MLLT1: variants seen among roughly 807,000 people sequenced by gnomAD.
The protein encoded by MLLT1 is MLLT1 super elongation complex subunit.
MLLT1 carries 11 observed loss-of-function variants against 55.1 expected under a neutral mutation model. The ratio of observed to expected loss-of-function variants is 0.20; its 90% CI spans 0.13 to 0.33. MLLT1 has a LOEUF of 0.33. MLLT1 is among the 10% of genes least tolerant of loss of function. The pLI is 1.00. For missense variants in MLLT1, 536 were observed against 760.6 expected (o/e 0.70, Z 3.47); for synonymous variants, 323 against 320.1 (o/e 1.01, Z -0.10).
In MLLT1 at chr19:6,230,821, C is replaced by T. The variant is rs138089265; in HGVS notation, c.277-108G>A. The T allele has an allele frequency of 1.1e-3, 1,519 of 1,399,268 alleles. 9 individuals are homozygous for T. The African/African-American group carries it at 0.013, about 12-fold the overall frequency. The allele number at this position is 1,399,268 out of a possible 1,614,324, so 86.7% of individuals were successfully genotyped here. A position where few individuals can be genotyped will look rare whatever the true frequency, so the allele number is the denominator to read the frequency against. Reference sequence around the variant, plus strand: ...CCTCTCCCTCACTGGGCCTCTGTTCCCCTCCCTCCGATTTGCGCCCACTTC... The same window carrying T: ...CCTCTCCCTCACTGGGCCTCTGTTCTCCTCCCTCCGATTTGCGCCCACTTC... On this transcript the variant is annotated intron_variant, in intron 3 of 11. Transcript: ENST00000252674. This position sits in a 1 kb window ranked among gnomAD's most constrained non-coding sequence, Gnocchi z 9.0.
At chr19:6,228,172 G>A (rs1000040978) in intron 4 of MLLT1, among the ~76,000 whole-genome samples, 11 of 152,138 alleles carry the variant, frequency 7.2e-5, no homozygotes, top group Admixed American at 5.9e-4. Flanking sequence ...AACACGCCAC[G>A]GGAGGCCCTC....
chr19:6,269,829 AAG>A (rs2091380660), intron 2 of MLLT1, among the ~76,000 whole-genome samples: 2 of 152,132 alleles, frequency 1.3e-5, no homozygotes, highest in African/African-American at 2.4e-5. Context: ...ATCACCCAAG[AAG>A]CATTTATCGA....
chr19:6,222,139 C>G lies in MLLT1; in HGVS notation c.1092G>C (p.Glu364Asp). The G allele has an allele frequency of 6.5e-7, 1 of 1,530,990 alleles. No individual in the cohort carries two copies. The highest frequency in any genetic ancestry group is 2.1e-5 in the Admixed American group (1 of 48,774). The allele number at this position is 1,530,990 out of a possible 1,614,324, so 94.8% of individuals were successfully genotyped here. ...LEVEESNSED[E>D]ASFKSESAQS... ...CACTCACCTCGGACTTGAAGGAGGC[C>G]TCGTCCTCTGAGTTGGACTCCTCCA... The change falls in exon 6 of 12, where the codon GAG (glutamate) becomes GAC (aspartate). Residue 364 changes from glutamate to aspartate, a missense_variant. Physicochemically the swap from Glu to Asp is conservative, Grantham distance 45. Coordinates refer to ENST00000252674, the MANE Select transcript of MLLT1 (RefSeq NM_005934.4). The surrounding 1 kb of genome is among the most constrained non-coding windows in gnomAD (Gnocchi z 4.1).
intron 3 of MLLT1, among the ~76,000 whole-genome samples, chr19:6,241,155 G>A (rs936588011): frequency 3.3e-5 from 5 of 152,146 alleles, no homozygotes; most frequent in Non-Finnish European, 5.9e-5. Context: ...GGTCAGTCCC[G>A]GGGCCTCCTG....
At chr19:6,259,058 C>T (rs1435437074) in intron 3 of MLLT1, 1 of 152,268 alleles carries the variant, frequency 6.6e-6, no homozygotes, top group African/African-American at 2.4e-5. Context: ...AGAGGAGTGT[C>T]CCACTCACGG....
rs1042036725 is a variant in MLLT1 at position 6,270,401 on chromosome 19, G to A, written c.193+178C>T. On this transcript the variant is annotated intron_variant, in intron 2 of 11. Transcript: ENST00000252674. The surrounding 1 kb of genome is among the most constrained non-coding windows in gnomAD (Gnocchi z 7.1). ...CACCACCTCCTTCGGTTCTTCCTAC[G>A]ACTAACTCAACAGCTGGAGGTGACA... Among the ~76,000 whole-genome samples the A allele has an allele frequency of 5.3e-5, 8 of 152,098 alleles. No individual in the cohort carries two copies. Among genetic ancestry groups the A allele is most frequent in the Admixed American group, 2.6e-4 (4 of 15,260 alleles).
rs1600165111 is a variant in MLLT1 at position 6,212,336 on chromosome 19, C to T, written c.*706G>A. ...CCTCCATGCGCCTGGAGAGGGCCAGCTGCCGTGCCTGGCTCGGCCTCCAGC... is the reference window on the plus strand; with the variant it reads ...CCTCCATGCGCCTGGAGAGGGCCAGTTGCCGTGCCTGGCTCGGCCTCCAGC... On this transcript the variant is annotated 3_prime_UTR_variant, in exon 12 of 12. Transcript: ENST00000252674. 1 of 1,053,826 alleles carries T rather than the reference C, an allele frequency of 9.5e-7. No individual in the cohort carries two copies. Among genetic ancestry groups the T allele is most frequent in the East Asian group, 5.1e-5 (1 of 19,664 alleles). 65.3% of individuals were successfully genotyped at this position (1,053,826 alleles called of 1,614,324 possible).
intron 6 of MLLT1, among the ~76,000 whole-genome samples, chr19:6,220,080 T>C (rs1378338055): frequency 6.6e-6 from 1 of 152,170 alleles, no homozygotes; most frequent in African/African-American, 2.4e-5. Context: ...CTGGAGGACG[T>C]GGGAGCTCGG....
chr19:6,258,718 A>C (rs2036361372), intron 3 of MLLT1, among the ~76,000 whole-genome samples: 1 of 152,240 alleles, frequency 6.6e-6, no homozygotes, highest in Non-Finnish European at 1.5e-5. Context: ...TCATGCTTAT[A>C]CAAGAATAGA....
intron 3 of MLLT1, among the ~76,000 whole-genome samples, chr19:6,250,325 T>A (rs1244531120): frequency 6.6e-6 from 1 of 152,170 alleles, no homozygotes; most frequent in African/African-American, 2.4e-5. Context: ...AGTGGCAATA[T>A]AAAATGGTTT....
In MLLT1 at chr19:6,234,759, C is replaced by T. The variant is rs73920614; in HGVS notation, c.277-4046G>A. On this transcript the variant is annotated intron_variant, in intron 3 of 11. Transcript: ENST00000252674. The stretch of plus-strand genomic sequence containing the variant: ...ACCAAGCTCTGTGGGACACATGGTC[C>T]TGACTCTTCACCAAATACATAGCAA... 2.1e-3 allele frequency among the ~76,000 whole-genome samples: 316 copies of T among 152,258 alleles called. 2 individuals are homozygous for T. The highest frequency in any genetic ancestry group is 7.3e-3 in the African/African-American group (305 of 41,544).
intron 2 of MLLT1, among the ~76,000 whole-genome samples, chr19:6,267,009 A>C (rs1273972708): frequency 6.6e-6 from 1 of 152,160 alleles, no homozygotes; most frequent in Non-Finnish European, 1.5e-5. Context: ...TGACACCTGT[A>C]AACTCAGCTA....
intron 3 of MLLT1, among the ~76,000 whole-genome samples, chr19:6,244,078 G>A (rs1021876936): frequency 6.2e-5 from 9 of 144,282 alleles, no homozygotes; most frequent in Non-Finnish European, 9.0e-5. Flanking sequence ...AGTCAATCTC[G>A]CTTCTTAAGA....
chr19:6,253,821 AAGAAGG>A (rs2091237936), intron 3 of MLLT1, among the ~76,000 whole-genome samples: 1 of 152,144 alleles, frequency 6.6e-6, no homozygotes, highest in East Asian at 1.9e-4. Context: ...AAACTAGAAA[AAGAAGG>A]TGTGACACGG....
At position 6,210,806 on chromosome 19, in the gene MLLT1, G is replaced by A. The variant is rs2090760068; in HGVS notation, c.*2236C>T. On this transcript the variant is annotated 3_prime_UTR_variant, in exon 12 of 12. Transcript: ENST00000252674. This position sits in a 1 kb window ranked among gnomAD's most constrained non-coding sequence, Gnocchi z 4.6. Reference sequence around the variant, plus strand: ...TGGGGTGGGGTGGGAGAGCAGCTGGGGATGCTGCCTTGGGAGCCCATGCTG... The same window carrying A: ...TGGGGTGGGGTGGGAGAGCAGCTGGAGATGCTGCCTTGGGAGCCCATGCTG... 4.3e-6 allele frequency: 1 copy of A among 229,902 alleles called. No homozygotes were observed. The highest frequency in any genetic ancestry group is 6.2e-5 in the East Asian group (1 of 16,250). 14.2% of individuals were successfully genotyped at this position (229,902 alleles called of 1,614,324 possible). A position where few individuals can be genotyped will look rare whatever the true frequency, so the allele number is the denominator to read the frequency against.
chr19:6,277,750 G>GC lies in MLLT1; in HGVS notation c.12+2022dup, dbSNP rs1227127851. Among the ~76,000 whole-genome samples, 4 of 152,312 alleles carry GC rather than the reference G, an allele frequency of 2.6e-5. No homozygotes were observed. The South Asian group carries it at 6.2e-4, about 24-fold the overall frequency. On this transcript the variant is annotated intron_variant, in intron 1 of 11. Coordinates refer to ENST00000252674, the MANE Select transcript of MLLT1 (RefSeq NM_005934.4). ...CAGGGACTAAGGAAGGAGGAAAGGG[G>GC]CCATACCCTATGCCTCTGTGTGCCC...
chr19:6,271,467 C>T (rs2233181), intron 1 of MLLT1, among the ~76,000 whole-genome samples: 30,049 of 152,132 alleles, frequency 0.2, 3,158 homozygotes, highest in Middle Eastern at 0.26. Flanking sequence ...CCCAGGTGGA[C>T]CCGTGGCCTG....
chr19:6,215,069 T>C (rs911866033), intron 8 of MLLT1, among the ~76,000 whole-genome samples: 4 of 152,272 alleles, frequency 2.6e-5, no homozygotes, highest in Admixed American at 2.6e-4. Context: ...CACAGGTGAC[T>C]GGGATGACGG....
rs1202574896 is a variant in MLLT1 at position 6,256,525 on chromosome 19, T to C, written c.276+5703A>G. Among the ~76,000 whole-genome samples, 1 of 150,946 alleles carries C rather than the reference T, an allele frequency of 6.6e-6. No homozygotes were observed. Among genetic ancestry groups the C allele is most frequent in the Admixed American group, 6.6e-5 (1 of 15,138 alleles). On this transcript the variant is annotated intron_variant, in intron 3 of 11. Transcript: ENST00000252674. This position sits in a 1 kb window ranked among gnomAD's most constrained non-coding sequence, Gnocchi z 4.1. ...ATCTCAGCACTTTGGGAGGCCGAGG[T>C]GGGTGGATCATGAGGTCAGGAGATC... is the stretch of plus-strand genomic sequence containing the variant.
Sources: gnomAD v4.1 joint callset for allele counts (sites outside exome capture counted in the v4.1 genomes callset) on GRCh38, gnomAD v4.1.1 for gene constraint, Gnocchi (gnomAD v3.1) non-coding constraint, MANE v1.5 for transcripts, NCBI Gene and HGNC (gene_info 2026-07-23, HGNC 2026-07-21) for gene names.